The following RARB variants were observed in gnomAD, a reference collection of about 807,000 sequenced individuals.
The protein encoded by RARB is HBV-activated protein.
A neutral mutation model predicts 51.9 loss-of-function variants in RARB; 17 were observed. The observed-to-expected ratio is 0.33, with a 90% CI of 0.22 to 0.49. RARB has a LOEUF of 0.49. Ranked by LOEUF, RARB falls within the 20% of genes least tolerant of loss-of-function variation. RARB has a pLI of 0.99. For synonymous variants in RARB, 215 were observed against 195.4 expected, an observed-to-expected ratio of 1.10 and a Z score of -0.84; for missense variants, 369 against 550.8, an observed-to-expected ratio of 0.67 and a Z score of 3.30.
intron 5 of RARB, among the ~76,000 whole-genome samples, chr3:25,410,405 A>C (rs930217780): frequency 6.6e-6 from 1 of 152,230 alleles, no homozygotes; most frequent in African/African-American, 2.4e-5. Context: ...TCATCTGAAC[A>C]AGGCAGTTCT....
intron 3 of RARB, among the ~76,000 whole-genome samples, chr3:25,111,060 G>C (rs1699592513): frequency 6.6e-6 from 1 of 152,098 alleles, no homozygotes; most frequent in Non-Finnish European, 1.5e-5. Flanking sequence ...TCTTTCTAAG[G>C]CTTGGCAGGA....
chr3:24,996,949 T>C (rs1413191751), intron 2 of RARB, among the ~76,000 whole-genome samples: 1 of 152,198 alleles, frequency 6.6e-6, no homozygotes, highest in African/African-American at 2.4e-5. Context: ...GGGTGAAATG[T>C]TCTGCAAATG....
intron 5 of RARB, among the ~76,000 whole-genome samples, chr3:25,273,196 G>A: frequency 6.6e-6 from 1 of 152,138 alleles, no homozygotes; most frequent in Middle Eastern, 3.2e-3. Context: ...GGATCTACAT[G>A]TCATATTAAG....
At chr3:25,066,453 C>T (rs1375245480) in intron 3 of RARB, among the ~76,000 whole-genome samples, 1 of 152,150 alleles carries the variant, frequency 6.6e-6, no homozygotes, top group Non-Finnish European at 1.5e-5. Flanking sequence ...CCCTATTCTT[C>T]CCTGAAAGTC....
chr3:25,433,537 A>C (rs1708293798), intron 1 of RARB, among the ~76,000 whole-genome samples: 1 of 152,220 alleles, frequency 6.6e-6, no homozygotes, highest in Non-Finnish European at 1.5e-5. Flanking sequence ...AGGGAGTAGA[A>C]TTAAATTAAA....
chr3:25,524,073 C>A (rs575793872), intron 3 of RARB, among the ~76,000 whole-genome samples: 1 of 152,314 alleles, frequency 6.6e-6, no homozygotes, highest in South Asian at 2.1e-4. Flanking sequence ...TTGTTCACTG[C>A]AGCTAGGAAG....
chr3:25,328,009 A>G (rs1280958594), intron 5 of RARB, among the ~76,000 whole-genome samples: 1 of 152,260 alleles, frequency 6.6e-6, no homozygotes, highest in Non-Finnish European at 1.5e-5. Context: ...TATAAACACT[A>G]TTTAACAAAA....
intron 5 of RARB, among the ~76,000 whole-genome samples, chr3:25,258,498 C>G (rs73045975): frequency 0.1 from 15,266 of 152,108 alleles, 993 homozygotes; most frequent in Non-Finnish European, 0.15. Flanking sequence ...AAGAATTAGT[C>G]AACACCTTGA....
intron 2 of RARB, among the ~76,000 whole-genome samples, chr3:24,999,398 C>T (rs546617544): frequency 1.3e-5 from 2 of 152,094 alleles, no homozygotes; most frequent in Admixed American, 6.6e-5. Flanking sequence ...GGGGAGGATG[C>T]CTCAAAAGAC....
chr3:24,952,812 T>C (rs527772482), intron 2 of RARB, among the ~76,000 whole-genome samples: 2 of 152,246 alleles, frequency 1.3e-5, no homozygotes, highest in African/African-American at 4.8e-5. Flanking sequence ...AAATTGTCTA[T>C]GTAACTCATT....
At chr3:24,876,867 C>G (rs946919420) in intron 2 of RARB, among the ~76,000 whole-genome samples, 1 of 152,098 alleles carries the variant, frequency 6.6e-6, no homozygotes, top group Non-Finnish European at 1.5e-5. Context: ...TTGATGGATG[C>G]AATGTCCTTC....
chr3:25,380,158 A>G (rs189978641), intron 5 of RARB, among the ~76,000 whole-genome samples: 2 of 152,356 alleles, frequency 1.3e-5, no homozygotes, highest in South Asian at 2.1e-4. Context: ...GGAAAGGGAA[A>G]GAATAAACAG....
intron 2 of RARB, among the ~76,000 whole-genome samples, chr3:24,869,016 A>C (rs1331736944): frequency 6.6e-6 from 1 of 152,158 alleles, no homozygotes; most frequent in Admixed American, 6.5e-5. Context: ...TTGGTGACTC[A>C]TGTTTGGCTC....
chr3:25,077,201 G>A (rs1698887766), intron 3 of RARB, among the ~76,000 whole-genome samples: 2 of 152,188 alleles, frequency 1.3e-5, no homozygotes, highest in African/African-American at 4.8e-5. Context: ...GTGCATTGGA[G>A]CATTATTTTT....
At chr3:25,553,770 G>A (rs769919384) in intron 3 of RARB, among the ~76,000 whole-genome samples, 12 of 152,090 alleles carry the variant, frequency 7.9e-5, no homozygotes, top group South Asian at 2.1e-4. Flanking sequence ...CATGAGAATC[G>A]AAACATCCAA....
At chr3:25,544,343 T>A (rs1401609804) in intron 3 of RARB, among the ~76,000 whole-genome samples, 1 of 152,240 alleles carries the variant, frequency 6.6e-6, no homozygotes, top group African/African-American at 2.4e-5. Flanking sequence ...AGTGAGCCCA[T>A]GTTGTTTTTT....
chr3:25,545,274 C>A (rs539184544), intron 3 of RARB, among the ~76,000 whole-genome samples: 1 of 152,078 alleles, frequency 6.6e-6, no homozygotes, highest in Non-Finnish European at 1.5e-5. Context: ...ATCTGGCATA[C>A]CTTTGTACTT....
chr3:25,063,174 C>A (rs1698584386), intron 3 of RARB, among the ~76,000 whole-genome samples: 1 of 151,972 alleles, frequency 6.6e-6, no homozygotes, highest in African/African-American at 2.4e-5. Context: ...TTTTCCCCAG[C>A]AAATACAATA....
At chr3:25,313,714 G>C (rs1704346383) in intron 5 of RARB, among the ~76,000 whole-genome samples, 2 of 152,078 alleles carry the variant, frequency 1.3e-5, no homozygotes, top group African/African-American at 2.4e-5. Context: ...GCCATCTTTA[G>C]TCATAATACA....
Sources: allele counts gnomAD v4.1 joint callset (sites outside exome capture counted in the v4.1 genomes callset), GRCh38; gene constraint gnomAD v4.1.1; transcripts MANE v1.5; gene names NCBI Gene and HGNC (gene_info 2026-07-23, HGNC 2026-07-21).